The following CDK6 variants were observed in gnomAD, a reference collection of about 807,000 sequenced individuals.
The protein encoded by CDK6 is cyclin dependent kinase 6, also known as cyclin-dependent kinase 6.
In CDK6, 6 loss-of-function variants were observed where a neutral mutation model predicts 37.1. The ratio of observed to expected loss-of-function variants is 0.16; its 90% CI spans 0.09 to 0.32. The LOEUF is 0.32. Ranked by LOEUF, CDK6 falls within the 10% of genes least tolerant of loss-of-function variation. The pLI, the probability that CDK6 is intolerant of heterozygous loss-of-function variation, is 1.00. For missense variants in CDK6, 224 were observed against 418.9 expected, an observed-to-expected ratio of 0.53 and a Z score of 4.06; for synonymous variants, 160 against 161.3, an observed-to-expected ratio of 0.99 and a Z score of 0.06.
At chr7:92,669,732 G>A (rs1013878191) in intron 5 of CDK6, among the ~76,000 whole-genome samples, 1 of 152,214 alleles carries the variant, frequency 6.6e-6, no homozygotes, top group African/African-American at 2.4e-5. Flanking sequence ...CCTGGCCCCA[G>A]CCCAGTAATG....
Position 92,725,713 on chromosome 7 carries a change from G to A in CDK6, c.450C>T (p.Asn150=), listed in dbSNP as rs2116709958. The A allele has an allele frequency of 6.2e-7, 1 of 1,614,120 alleles. No individual in the cohort carries two copies. The highest frequency in any genetic ancestry group is 8.5e-7 in the Non-Finnish European group (1 of 1,179,980). The part of the protein sequence containing the change: ...RVVHRDLKPQ[N]ILVTSSGQIK... ...TTTGTCCGCTGCTGGTCACCAGAAT[G>A]TTCTGTGGTTTTAGATCGCGATGCA... The change falls in exon 4 of 8, where the codon AAC becomes AAT. Residue 150 remains asparagine (N), a synonymous_variant. Transcript: ENST00000424848.
intron 2 of CDK6, among the ~76,000 whole-genome samples, chr7:92,797,676 A>G (rs568769812): frequency 1.3e-5 from 2 of 152,302 alleles, no homozygotes; most frequent in South Asian, 2.1e-4. Context: ...CTTTTAACCT[A>G]TAAGAATAAA....
At chr7:92,671,191 G>A (rs892516770) in intron 5 of CDK6, 1 of 343,270 alleles carries the variant, frequency 2.9e-6, no homozygotes, top group Non-Finnish European at 5.2e-6. Flanking sequence ...TATAAGAACA[G>A]TGGGGTATTC....
intron 3 of CDK6, among the ~76,000 whole-genome samples, chr7:92,745,232 T>C (rs1022693953): frequency 6.6e-6 from 1 of 152,234 alleles, no homozygotes; most frequent in Non-Finnish European, 1.5e-5. Context: ...TTCTTGAACA[T>C]ACATTAAAAA....
At chr7:92,733,882 T>TTA (rs1285160979) in intron 3 of CDK6, among the ~76,000 whole-genome samples, 6 of 152,164 alleles carry the variant, frequency 3.9e-5, no homozygotes, top group Non-Finnish European at 5.9e-5. Flanking sequence ...ATTTATTTAT[T>TTA]TTTAGAGGCT....
At chr7:92,760,867 A>G (rs1191621630) in intron 3 of CDK6, among the ~76,000 whole-genome samples, 1 of 152,112 alleles carries the variant, frequency 6.6e-6, no homozygotes, top group Non-Finnish European at 1.5e-5. Context: ...ATTTTGCTAG[A>G]TAAATTTTCA....
At chr7:92,715,020 C>T (rs924816206) in intron 4 of CDK6, among the ~76,000 whole-genome samples, 18 of 152,188 alleles carry the variant, frequency 1.2e-4, no homozygotes, top group Non-Finnish European at 1.0e-4. Flanking sequence ...GCAGTCCCTA[C>T]CTCACTGAAA....
At position 92,611,867 on chromosome 7, in the gene CDK6, T is replaced by C. The variant is rs1795569638; in HGVS notation, c.*3273A>G. 2 of 232,180 alleles carry C rather than the reference T, an allele frequency of 8.6e-6. 1 individual carries two copies. Among genetic ancestry groups the C allele is most frequent in the South Asian group, 3.6e-4 (2 of 5,520 alleles). The allele number at this position is 232,180 out of a possible 1,614,324, so 14.4% of individuals were successfully genotyped here. A position where few individuals can be genotyped will look rare whatever the true frequency, so the allele number is the denominator to read the frequency against. ...TAAATGAAAAGTCTGCCATTCACAG[T>C]GTGTGCTTCCTGAGAGAAAATCATG... On this transcript the variant is annotated 3_prime_UTR_variant, in exon 8 of 8. Coordinates refer to ENST00000424848, the MANE Select transcript of CDK6 (RefSeq NM_001145306.2).
chr7:92,761,191 C>T (rs115578812), intron 3 of CDK6, among the ~76,000 whole-genome samples: 2,303 of 151,998 alleles, frequency 0.015, 50 homozygotes, highest in African/African-American at 0.05. Context: ...ATTTCCTTTG[C>T]GATATTTTCT....
chr7:92,615,613 C>T (rs1029626406), intron 7 of CDK6, among the ~76,000 whole-genome samples: 3 of 152,146 alleles, frequency 2.0e-5, no homozygotes, highest in African/African-American at 2.4e-5. Flanking sequence ...GAGACTTCAC[C>T]GTAACTTATT....
rs527778444 is a variant in CDK6, at chr7:92,677,100, CTA to C, written c.538-5567_538-5566del. Among the ~76,000 whole-genome samples the C allele has an allele frequency of 2.0e-3, 304 of 152,218 alleles. 1 individual carries two copies. Among genetic ancestry groups the C allele is most frequent in the African/African-American group, 7.0e-3 (291 of 41,540 alleles). Reference sequence around the variant, plus strand: ...TCGTTTTTATCCTTAAGATTTTGCTCTAGTCTGTGTAAATCATTGTAACCAAG... The same window carrying C: ...TCGTTTTTATCCTTAAGATTTTGCTCGTCTGTGTAAATCATTGTAACCAAG... On this transcript the variant is annotated intron_variant, in intron 4 of 7. Transcript: ENST00000424848.
intron 5 of CDK6, among the ~76,000 whole-genome samples, chr7:92,623,643 G>A (rs1001215995): frequency 6.6e-6 from 1 of 152,016 alleles, no homozygotes; most frequent in African/African-American, 2.4e-5. Flanking sequence ...TCTTAACTCT[G>A]GGCTTTAGAG....
At chr7:92,703,524 T>C (rs1022503219) in intron 4 of CDK6, among the ~76,000 whole-genome samples, 1 of 152,198 alleles carries the variant, frequency 6.6e-6, no homozygotes, top group African/African-American at 2.4e-5. Context: ...TATGGTTAAG[T>C]AAAGCACAAA....
At position 92,823,967 on chromosome 7, in the gene CDK6, T is replaced by C. The variant is rs1388411216; in HGVS notation, c.233+9124A>G. ...CAGGTGTGAGCCACTGTGCCTGGCC[T>C]TCTTTTGTTTTTCTTGCTCTGCTGC... On this transcript the variant is annotated intron_variant, in intron 2 of 7. Transcript: ENST00000424848. 2.0e-5 allele frequency among the ~76,000 whole-genome samples: 3 copies of C among 152,076 alleles called. No homozygotes were observed. In the East Asian group the frequency reaches 5.8e-4, roughly 29 times the overall value.
intron 3 of CDK6, among the ~76,000 whole-genome samples, chr7:92,774,126 T>C (rs1255367880): frequency 6.6e-6 from 1 of 152,206 alleles, no homozygotes; most frequent in East Asian, 1.9e-4. Context: ...ATAGAAAGCA[T>C]GTCTCAATCA....
At chr7:92,672,134 C>CATATACATATAT (rs1554401673) in intron 4 of CDK6, among the ~76,000 whole-genome samples, 15 of 65,408 alleles carry the variant, frequency 2.3e-4, no homozygotes, top group African/African-American at 1.1e-3. Context: ...AAAAGCTGTA[C>CATATACATATAT]ATATATATAT....
intron 2 of CDK6, among the ~76,000 whole-genome samples, chr7:92,785,106 G>A (rs965186316): frequency 2.0e-5 from 3 of 152,144 alleles, no homozygotes; most frequent in Non-Finnish European, 2.9e-5. Context: ...GGCATCATTC[G>A]TGATAGCCCA....
chr7:92,695,282 A>AAAAAAG (rs1554403912), intron 4 of CDK6, among the ~76,000 whole-genome samples: 28 of 149,978 alleles, frequency 1.9e-4, no homozygotes, highest in African/African-American at 6.2e-4. Flanking sequence ...AAAAAAAAAA[A>AAAAAAG]AAAGAAAGAA....
chr7:92,646,703 C>G (rs187565250), intron 5 of CDK6, among the ~76,000 whole-genome samples: 51 of 152,150 alleles, frequency 3.4e-4, no homozygotes, highest in Middle Eastern at 3.4e-3. Flanking sequence ...TGGCCAGCAC[C>G]TGGTAGGTTT....
Sources: allele counts gnomAD v4.1 joint callset (sites outside exome capture counted in the v4.1 genomes callset), GRCh38; gene constraint gnomAD v4.1.1; transcripts MANE v1.5; gene names NCBI Gene and HGNC (gene_info 2026-07-23, HGNC 2026-07-21).